Variants in PCCA observed in about 807,000 individuals in gnomAD.
The protein encoded by PCCA is propionyl-CoA carboxylase alpha chain, mitochondrial.
PCCA carries 74 observed loss-of-function variants against 101.3 expected under a neutral mutation model. The observed-to-expected ratio is 0.73, with a 90% CI of 0.61 to 0.89. The LOEUF is 0.89. Ranked by LOEUF, PCCA falls within the 40% of genes least tolerant of loss-of-function variation. The pLI is 0.00. For missense variants in PCCA, 891 were observed against 907.0 expected (o/e 0.98, Z 0.23); for synonymous variants, 294 against 313.6 (o/e 0.94, Z 0.66).
chr13:100,372,980 G>A (rs961437004), intron 19 of PCCA, among the ~76,000 whole-genome samples: 1 of 152,148 alleles, frequency 6.6e-6, no homozygotes, highest in Non-Finnish European at 1.5e-5. Flanking sequence ...CTGACTTCAG[G>A]TGATCCACCC....
chr13:100,434,932 C>A (rs531309387), intron 20 of PCCA, among the ~76,000 whole-genome samples: 1 of 152,316 alleles, frequency 6.6e-6, no homozygotes, highest in South Asian at 2.1e-4. Flanking sequence ...GGGAGATGGA[C>A]AGTCACTGGT....
chr13:100,420,002 T>C (rs1397483271), intron 19 of PCCA, among the ~76,000 whole-genome samples: 2 of 152,256 alleles, frequency 1.3e-5, no homozygotes, highest in Admixed American at 6.5e-5. Context: ...CAGAGTTTTT[T>C]GCATAATTTA....
At chr13:100,254,764 G>T (rs189572599) in intron 8 of PCCA, among the ~76,000 whole-genome samples, 2 of 152,086 alleles carry the variant, frequency 1.3e-5, no homozygotes, top group Non-Finnish European at 2.9e-5. Context: ...CATTATTTCA[G>T]AATATAGCTC....
At chr13:100,307,095 TTCTC>T in intron 14 of PCCA, 93 bp from the exon 15 acceptor site, 1 of 792,940 alleles carries the variant, frequency 1.3e-6, no homozygotes, top group South Asian at 1.5e-5. Context: ...GAGATTGAAA[TTCTC>T]TATCCATTTT....
At chr13:100,480,356 T>G (rs1384514118) in intron 21 of PCCA, 1 of 152,182 alleles carries the variant, frequency 6.6e-6, no homozygotes, top group Non-Finnish European at 1.5e-5. Context: ...AGTCACCTCC[T>G]CATTAGGCTG....
chr13:100,442,444 G>A (rs1463079629), intron 20 of PCCA, among the ~76,000 whole-genome samples: 1 of 152,194 alleles, frequency 6.6e-6, no homozygotes, highest in African/African-American at 2.4e-5. Context: ...CACATTCATT[G>A]ATACAGTTTG....
intron 6 of PCCA, chr13:100,161,276 C>G (rs1248676324): frequency 6.6e-6 from 1 of 152,092 alleles, no homozygotes; most frequent in African/African-American, 2.4e-5. Flanking sequence ...CTCCCCCGGC[C>G]CCCAGAAATT....
At chr13:100,318,067 A>G (rs1408239595) in intron 16 of PCCA, among the ~76,000 whole-genome samples, 1 of 152,070 alleles carries the variant, frequency 6.6e-6, no homozygotes, top group Non-Finnish European at 1.5e-5. Flanking sequence ...GCCCTTCCTC[A>G]GTCCCTTTTC....
chr13:100,201,857 CAAAAAAAAAAAAAAAAA>C (rs55669622), intron 6 of PCCA, among the ~76,000 whole-genome samples: 1 of 60,732 alleles, frequency 1.6e-5, no homozygotes, highest in African/African-American at 6.7e-5. Flanking sequence ...AACTGCGTCT[CAAAAAAAAAAAAAAAAA>C]AAAAAAAAAA....
Position 100,327,007 on chromosome 13 carries a change from A to G in PCCA, c.1430-3554A>G, listed in dbSNP as rs528789471. Among the ~76,000 whole-genome samples, 14 of 152,250 alleles carry G rather than the reference A, an allele frequency of 9.2e-5. No individual in the cohort carries two copies. In the East Asian group the frequency reaches 2.5e-3, roughly 27 times the overall value. On this transcript the variant is annotated intron_variant, in intron 16 of 23. Transcript: ENST00000376285. Reference sequence around the variant, plus strand: ...TCATCACCTGTGCTTTGAAATTGTCATTGTGTACTAGGCTCAATTTTTTTC... The same window carrying G: ...TCATCACCTGTGCTTTGAAATTGTCGTTGTGTACTAGGCTCAATTTTTTTC...
intron 1 of PCCA, among the ~76,000 whole-genome samples, chr13:100,099,517 CTG>C (rs944528090): frequency 5.9e-5 from 9 of 151,994 alleles, no homozygotes; most frequent in African/African-American, 2.2e-4. Context: ...CAGGGTTTCA[CTG>C]TGTTAGCCAG....
chr13:100,160,878 C>T (rs1158500324), intron 6 of PCCA: 1 of 152,182 alleles, frequency 6.6e-6, no homozygotes, highest in Non-Finnish European at 1.5e-5. Flanking sequence ...ATCATATTAT[C>T]ATACCTTGTC....
At chr13:100,424,719 GA>G (rs1283638028) in intron 19 of PCCA, among the ~76,000 whole-genome samples, 1 of 152,180 alleles carries the variant, frequency 6.6e-6, no homozygotes, top group Non-Finnish European at 1.5e-5. Context: ...TGAAGTCTCT[GA>G]TAATCTGATT....
chr13:100,478,851 A>G (rs2083646668), intron 21 of PCCA, among the ~76,000 whole-genome samples: 1 of 152,210 alleles, frequency 6.6e-6, no homozygotes, highest in Non-Finnish European at 1.5e-5. Flanking sequence ...GGGGCTCCTC[A>G]TATTATAGTA....
rs114048326 is a variant in PCCA at position 100,438,984 on chromosome 13, A to G, written c.1846-10268A>G. On this transcript the variant is annotated intron_variant, in intron 20 of 23. Coordinates refer to ENST00000376285, the MANE Select transcript of PCCA (RefSeq NM_000282.4). Reference sequence around the variant, plus strand: ...AGTGGAATGTAGTCCTACCAAAACAATGGAGTTGGGTTTAACAGAAAATTA... The same window carrying G: ...AGTGGAATGTAGTCCTACCAAAACAGTGGAGTTGGGTTTAACAGAAAATTA... Among the ~76,000 whole-genome samples, 705 of 152,316 alleles carry G rather than the reference A, an allele frequency of 4.6e-3. 5 individuals carry two copies. Among genetic ancestry groups the G allele is most frequent in the African/African-American group, 0.016 (669 of 41,558 alleles).
rs375905400 is a variant in PCCA, at chr13:100,392,559, TTC to T, written c.1746+23989_1746+23990del. ...AATCTGCCTTATTCTTCACAGTTTT[TTC>T]TCTGTCAGTAATGTAGCAGTGTGTT... is the stretch of plus-strand genomic sequence containing the variant. On this transcript the variant is annotated intron_variant, in intron 19 of 23. Coordinates refer to ENST00000376285, the MANE Select transcript of PCCA (RefSeq NM_000282.4). 1.1e-3 allele frequency among the ~76,000 whole-genome samples: 169 copies of T among 152,350 alleles called. 6 individuals carry two copies. The South Asian group carries it at 0.031, about 28-fold the overall frequency.
chr13:100,336,827 C>G (rs1204475495), intron 17 of PCCA, among the ~76,000 whole-genome samples: 1 of 152,166 alleles, frequency 6.6e-6, no homozygotes, highest in Non-Finnish European at 1.5e-5. Context: ...TGTGAACGTT[C>G]CAAGGCTGGG....
At chr13:100,193,620 G>T (rs927647138) in intron 6 of PCCA, among the ~76,000 whole-genome samples, 28 of 152,058 alleles carry the variant, frequency 1.8e-4, no homozygotes, top group Admixed American at 3.9e-4. Context: ...ACTTAGAATT[G>T]TTTCCTACAG....
At chr13:100,107,183 A>G (rs1207321875) in intron 2 of PCCA, among the ~76,000 whole-genome samples, 1 of 152,222 alleles carries the variant, frequency 6.6e-6, no homozygotes, top group Non-Finnish European at 1.5e-5. Context: ...AGTGACTTAC[A>G]TCATGTGCAA....
Sources: gnomAD v4.1 joint callset for allele counts (sites outside exome capture counted in the v4.1 genomes callset) on GRCh38, gnomAD v4.1.1 for gene constraint, MANE v1.5 for transcripts, NCBI Gene and HGNC (gene_info 2026-07-23, HGNC 2026-07-21) for gene names.